Variants in EBF2 observed in about 807,000 individuals in gnomAD.
EBF2 encodes the protein EBF transcription factor 2.
Under a neutral mutation model 72.8 loss-of-function variants are expected in EBF2, and 21 were observed. That is an observed-to-expected ratio of 0.29 (90% CI 0.20 to 0.42). The LOEUF (loss-of-function observed/expected upper bound fraction) is 0.42, where lower values mean the gene tolerates loss of function less well. Among genes scored for constraint, EBF2 ranks in the 10% least tolerant of loss-of-function variants. The pLI is 1.00. For missense variants in EBF2, 637 were observed against 731.2 expected (o/e 0.87, Z 1.49); for synonymous variants, 299 against 274.2 (o/e 1.09, Z -0.89).
At chr8:25,849,313 A>C (rs1349910305) in intron 15 of EBF2, among the ~76,000 whole-genome samples, 1 of 152,196 alleles carries the variant, frequency 6.6e-6, no homozygotes, top group Non-Finnish European at 1.5e-5. Flanking sequence ...GGGATGGCTC[A>C]GGAACCTAAC....
intron 6 of EBF2, among the ~76,000 whole-genome samples, chr8:25,964,180 G>C (rs982236926): frequency 2.6e-5 from 4 of 152,100 alleles, no homozygotes; most frequent in Admixed American, 2.0e-4. Context: ...ATTTGAATAA[G>C]AATATCATAC....
intron 10 of EBF2, among the ~76,000 whole-genome samples, chr8:25,868,009 A>G (rs115549460): frequency 0.01 from 1,537 of 152,332 alleles, 28 homozygotes; most frequent in African/African-American, 0.033. Context: ...TGAAATGTAC[A>G]CAAATATATG....
intron 6 of EBF2, among the ~76,000 whole-genome samples, chr8:26,019,145 A>G (rs1805164616): frequency 6.6e-6 from 1 of 152,186 alleles, no homozygotes; most frequent in African/African-American, 2.4e-5. Flanking sequence ...AATGTGCAAC[A>G]AGTTCAGGCA....
intron 6 of EBF2, among the ~76,000 whole-genome samples, chr8:25,928,613 C>T (rs1803428513): frequency 6.6e-6 from 1 of 151,858 alleles, no homozygotes; most frequent in South Asian, 2.1e-4. Flanking sequence ...GTGCCTGTTA[C>T]AAGAGAAGGA....
chr8:26,005,263 T>C (rs1585223730), intron 6 of EBF2, among the ~76,000 whole-genome samples: 1 of 15,230 alleles, frequency 6.6e-5, no homozygotes, highest in African/African-American at 2.8e-4. Context: ...TTATATATAA[T>C]ATATAATATA....
At chr8:26,003,166 C>T (rs1247397470) in intron 6 of EBF2, among the ~76,000 whole-genome samples, 1 of 152,116 alleles carries the variant, frequency 6.6e-6, no homozygotes, top group Non-Finnish European at 1.5e-5. Context: ...TCTCTGGGAG[C>T]TTTGGGTAAC....
chr8:25,893,563 C>T (rs1390656523), intron 7 of EBF2, among the ~76,000 whole-genome samples: 1 of 152,142 alleles, frequency 6.6e-6, no homozygotes, highest in Non-Finnish European at 1.5e-5. Context: ...CAGGCATGAG[C>T]CACCGCACCC....
chr8:25,930,388 T>C (rs1444638581), intron 6 of EBF2, among the ~76,000 whole-genome samples: 2 of 152,194 alleles, frequency 1.3e-5, no homozygotes, highest in African/African-American at 4.8e-5. Flanking sequence ...TGAGCCTCAC[T>C]CATATCTATC....
chr8:25,926,777 A>C (rs1462790367), intron 6 of EBF2, among the ~76,000 whole-genome samples: 2 of 152,204 alleles, frequency 1.3e-5, no homozygotes, highest in Non-Finnish European at 2.9e-5. Flanking sequence ...CAAGACTTTG[A>C]AAGTACATTC....
rs1278249381 is a variant in EBF2 at position 26,044,222 on chromosome 8, C to A, written c.131+507G>T. Reference sequence around the variant, plus strand: ...CGGGCAGCCGCTCCGGCTTTTCCCGCTCCCCTCGCCGCCGCCACCCTCTGG... The same window carrying A: ...CGGGCAGCCGCTCCGGCTTTTCCCGATCCCCTCGCCGCCGCCACCCTCTGG... On this transcript the variant is annotated intron_variant, in intron 1 of 15. Coordinates refer to ENST00000520164, the MANE Select transcript of EBF2 (RefSeq NM_022659.4). The surrounding 1 kb of genome is among the most constrained non-coding windows in gnomAD (Gnocchi z 4.1). Among the ~76,000 whole-genome samples the A allele has an allele frequency of 2.0e-5, 3 of 152,194 alleles. No individual in the cohort carries two copies. Among genetic ancestry groups the A allele is most frequent in the Admixed American group, 2.0e-4 (3 of 15,288 alleles).
intron 5 of EBF2, among the ~76,000 whole-genome samples, chr8:26,039,536 C>T (rs910764574): frequency 1.8e-4 from 28 of 152,200 alleles, no homozygotes; most frequent in Non-Finnish European, 4.1e-4. Context: ...GAAACGCCCA[C>T]GCATCACAGC....
chr8:25,987,483 A>C (rs17238923), intron 6 of EBF2, among the ~76,000 whole-genome samples: 29,918 of 152,058 alleles, frequency 0.2, 3,630 homozygotes, highest in Non-Finnish European at 0.27. Flanking sequence ...TACACCTTCA[A>C]AACACAACCA....
At chr8:25,850,845 G>T (rs1049212551) in intron 14 of EBF2, 84 bp from the exon 15 acceptor site, 2 of 1,430,254 alleles carry the variant, frequency 1.4e-6, no homozygotes, top group African/African-American at 3.0e-5. Context: ...TTGAGAAATT[G>T]TTAATTTCCA....
intron 6 of EBF2, among the ~76,000 whole-genome samples, chr8:26,030,339 T>C (rs1805378000): frequency 6.6e-6 from 1 of 151,796 alleles, no homozygotes; most frequent in Non-Finnish European, 1.5e-5. Context: ...TTGCTGAGAA[T>C]GATGGTTTCC....
chr8:25,880,421 A>C (rs1301514943), intron 10 of EBF2, among the ~76,000 whole-genome samples: 1 of 152,200 alleles, frequency 6.6e-6, no homozygotes, highest in East Asian at 1.9e-4. Context: ...TATGCTATGA[A>C]ATTTAAAATC....
chr8:25,948,496 A>G (rs995329308), intron 6 of EBF2, among the ~76,000 whole-genome samples: 4 of 152,148 alleles, frequency 2.6e-5, no homozygotes, highest in African/African-American at 7.2e-5. Context: ...ACCCTATTTG[A>G]CTAGGAAATG....
chr8:26,044,741 A>C lies in EBF2; in HGVS notation c.119T>G (p.Val40Gly), dbSNP rs747089730. 1.2e-6 allele frequency: 2 copies of C among 1,614,138 alleles called. No individual in the cohort carries two copies. Among genetic ancestry groups the C allele is most frequent in the Admixed American group, 3.3e-5 (2 of 60,016 alleles). Reference sequence around the variant, plus strand: ...GCCGTGTCGTTACCTCTGCGCGGCGACATTAGCGTCCACCACTCCGACATT... The same window carrying C: ...GCCGTGTCGTTACCTCTGCGCGGCGCCATTAGCGTCCACCACTCCGACATT... ...VRNVGVVDAN[V>G]AAQSGVALSR... The change falls in exon 1 of 16, where the codon GTC (valine) becomes GGC (glycine). Residue 40 changes from valine to glycine, a missense_variant. Coordinates refer to ENST00000520164, the MANE Select transcript of EBF2 (RefSeq NM_022659.4). This position sits in a 1 kb window ranked among gnomAD's most constrained non-coding sequence, Gnocchi z 4.1.
chr8:26,007,796 GCA>G (rs140724666), intron 6 of EBF2, among the ~76,000 whole-genome samples: 17 of 150,262 alleles, frequency 1.1e-4, no homozygotes, highest in African/African-American at 3.2e-4. Context: ...TTGCACATGT[GCA>G]CACACACACA....
At chr8:25,910,051 G>A (rs571601962) in intron 6 of EBF2, among the ~76,000 whole-genome samples, 2 of 152,286 alleles carry the variant, frequency 1.3e-5, no homozygotes, top group African/African-American at 4.8e-5. Context: ...GGAAGGATAA[G>A]GCAGAGAAAA....
Sources: allele counts gnomAD v4.1 joint callset (sites outside exome capture counted in the v4.1 genomes callset), GRCh38; gene constraint gnomAD v4.1.1; non-coding constraint Gnocchi (gnomAD v3.1); transcripts MANE v1.5; gene names NCBI Gene and HGNC (gene_info 2026-07-23, HGNC 2026-07-21).